SPON1: variants seen among roughly 807,000 people sequenced by gnomAD.
SPON1 encodes the protein spondin 1.
A neutral mutation model predicts 111.7 loss-of-function variants in SPON1; 52 were observed. The observed-to-expected ratio is 0.47, with a 90% confidence interval of 0.37 to 0.59. The LOEUF is 0.59. Ranked by LOEUF, SPON1 falls within the 20% of genes least tolerant of loss-of-function variation. SPON1 has a pLI of 0.00. For synonymous variants in SPON1, 410 were observed against 395.8 expected, an observed-to-expected ratio of 1.04 and a Z score of -0.43; for missense variants, 957 against 1,068.5, an observed-to-expected ratio of 0.90 and a Z score of 1.46.
chr11:14,231,854 G>T (rs1848807374), intron 6 of SPON1, among the ~76,000 whole-genome samples: 1 of 149,620 alleles, frequency 6.7e-6, no homozygotes, highest in Non-Finnish European at 1.5e-5. Context: ...TGTGAGTTTT[G>T]TGCATAAGTT....
intron 5 of SPON1, among the ~76,000 whole-genome samples, chr11:14,108,907 T>C (rs1849205657): frequency 6.6e-6 from 1 of 152,088 alleles, no homozygotes; most frequent in Admixed American, 6.5e-5. Flanking sequence ...AATTATTAGG[T>C]GGGATCTCTC....
intron 15 of SPON1, among the ~76,000 whole-genome samples, chr11:14,264,237 A>AT (rs1171223455): frequency 1.3e-5 from 2 of 152,030 alleles, no homozygotes; most frequent in East Asian, 3.9e-4. Flanking sequence ...CCCACCAAGG[A>AT]TTTTGGGACC....
chr11:14,254,713 G>A lies in SPON1; in HGVS notation c.1076G>A (p.Ser359Asn), dbSNP rs782549102. Reference sequence around the variant, plus strand: ...ATTCCCTGGGACGCTGGCACCGACAGCGGGGTGACCTATGAGGTGTGTGTG... The same window carrying A: ...ATTCCCTGGGACGCTGGCACCGACAACGGGGTGACCTATGAGGTGTGTGTG... ...DLIPWDAGTD[S>N]GVTYESPNKP... The change falls in exon 8 of 16, where the codon AGC becomes AAC. Residue 359 changes from serine to asparagine, a missense_variant. Transcript: ENST00000576479. 1 of 1,613,914 alleles carries A rather than the reference G, an allele frequency of 6.2e-7. No individual in the cohort carries two copies. The highest frequency in any genetic ancestry group is 1.1e-5 in the South Asian group (1 of 91,066).
chr11:13,979,757 AG>A (rs1409591308), intron 1 of SPON1, among the ~76,000 whole-genome samples: 3 of 152,210 alleles, frequency 2.0e-5, no homozygotes, highest in Non-Finnish European at 4.4e-5. Flanking sequence ...TATTAGTGCC[AG>A]GGTCACATTA....
Position 14,259,410 on chromosome 11 carries a change from C to A in SPON1, c.1623C>A (p.Pro541=). ...FPEDGSVCTL[P]TEETEKCTVN... ...AGGACGGCTCCGTGTGCACGCTGCC[C>A]ACTGAGGAAACGGAGAAGTGCACGG... The change falls in exon 12 of 16, where the codon CCC becomes CCA. Residue 541 remains proline, a synonymous_variant. Coordinates refer to ENST00000576479, the MANE Select transcript of SPON1 (RefSeq NM_006108.4). The surrounding 1 kb of genome is among the most constrained non-coding windows in gnomAD (Gnocchi z 5.0). The A allele has an allele frequency of 6.2e-7, 1 of 1,610,894 alleles. No individual in the cohort carries two copies. The highest frequency in any genetic ancestry group is 2.2e-5 in the East Asian group (1 of 44,786).
At chr11:14,047,465 G>A (rs1848676903) in intron 3 of SPON1, among the ~76,000 whole-genome samples, 1 of 152,120 alleles carries the variant, frequency 6.6e-6, no homozygotes, top group Admixed American at 6.6e-5. Flanking sequence ...AAGATTCAGG[G>A]TATAAACAAT....
intron 6 of SPON1, among the ~76,000 whole-genome samples, chr11:14,219,099 C>T (rs1349258273): frequency 2.6e-5 from 4 of 152,156 alleles, no homozygotes; most frequent in African/African-American, 9.7e-5. Flanking sequence ...CCATCCTGCT[C>T]ACCACTTTGT....
intron 6 of SPON1, among the ~76,000 whole-genome samples, chr11:14,173,767 G>A (rs778089093): frequency 5.3e-5 from 8 of 152,204 alleles, no homozygotes; most frequent in Non-Finnish European, 8.8e-5. Flanking sequence ...TCCAGACCCT[G>A]TTTACCTGGG....
At chr11:14,019,201 C>T (rs1314994221) in intron 2 of SPON1, among the ~76,000 whole-genome samples, 1 of 152,100 alleles carries the variant, frequency 6.6e-6, no homozygotes, top group African/African-American at 2.4e-5. Flanking sequence ...GGTTTGAATC[C>T]TAGCTCAGCC....
intron 6 of SPON1, among the ~76,000 whole-genome samples, chr11:14,172,898 T>C (rs1267059999): frequency 2.0e-5 from 3 of 151,862 alleles, no homozygotes; most frequent in African/African-American, 7.2e-5. Context: ...GTGGGTAACC[T>C]GACCTTTCTC....
At chr11:13,989,039 G>A (rs12279168) in intron 2 of SPON1, among the ~76,000 whole-genome samples, 7,185 of 152,192 alleles carry the variant, frequency 0.047, 557 homozygotes, top group African/African-American at 0.16. Flanking sequence ...TGAGGTTTTG[G>A]TATCAGGATG....
At chr11:14,163,399 G>A (rs1438660727) in intron 6 of SPON1, among the ~76,000 whole-genome samples, 1 of 152,132 alleles carries the variant, frequency 6.6e-6, no homozygotes, top group Non-Finnish European at 1.5e-5. Context: ...AGAACTTGGG[G>A]GCTGGTGGTG....
At chr11:14,226,201 T>C (rs997184189) in intron 6 of SPON1, among the ~76,000 whole-genome samples, 15 of 152,130 alleles carry the variant, frequency 9.9e-5, no homozygotes, top group African/African-American at 3.4e-4. Flanking sequence ...AGAGAGAGGA[T>C]TCAGATCAAG....
chr11:14,252,373 C>G (rs4756785), intron 7 of SPON1, among the ~76,000 whole-genome samples: 4 of 105,686 alleles, frequency 3.8e-5, no homozygotes, highest in African/African-American at 3.5e-5. Flanking sequence ...AAGACCTGCG[C>G]AGAGTGTGGG....
chr11:14,055,151 C>T (rs1554919041), intron 3 of SPON1, among the ~76,000 whole-genome samples: 1 of 152,198 alleles, frequency 6.6e-6, no homozygotes, highest in Non-Finnish European at 1.5e-5. Context: ...ACCTCTTTGA[C>T]ATTGCCTCTG....
At chr11:14,235,892 C>G (rs782694616) in intron 6 of SPON1, among the ~76,000 whole-genome samples, 1 of 152,078 alleles carries the variant, frequency 6.6e-6, no homozygotes, top group African/African-American at 2.4e-5. Context: ...GCTCTGGTAT[C>G]TGGGAGAACA....
chr11:13,982,345 A>G (rs782650986), intron 1 of SPON1, among the ~76,000 whole-genome samples: 4 of 152,196 alleles, frequency 2.6e-5, no homozygotes, highest in Non-Finnish European at 5.9e-5. Context: ...GAACTTGGTT[A>G]TAAAGCTGAC....
At chr11:14,181,342 A>G (rs965381634) in intron 6 of SPON1, among the ~76,000 whole-genome samples, 3 of 152,214 alleles carry the variant, frequency 2.0e-5, no homozygotes, top group African/African-American at 2.4e-5. Flanking sequence ...CCTTTCTGAC[A>G]GCTGGGAGCC....
intron 3 of SPON1, among the ~76,000 whole-genome samples, chr11:14,050,906 C>G (rs1041707272): frequency 6.6e-6 from 1 of 152,192 alleles, no homozygotes; most frequent in South Asian, 2.1e-4. Flanking sequence ...TCTTAAGATT[C>G]TGAACACTTG....
Sources: gnomAD v4.1 joint callset for allele counts (sites outside exome capture counted in the v4.1 genomes callset) on GRCh38, gnomAD v4.1.1 for gene constraint, Gnocchi (gnomAD v3.1) non-coding constraint, MANE v1.5 for transcripts, NCBI Gene and HGNC (gene_info 2026-07-23, HGNC 2026-07-21) for gene names.